Variants in FANCB observed in about 807,000 individuals in gnomAD.
The protein encoded by FANCB is Fanconi anemia group B protein.
FANCB carries 5 observed loss-of-function variants against 38.9 expected under a neutral mutation model. The ratio of observed to expected loss-of-function variants is 0.13; its 90% CI spans 0.07 to 0.27. The LOEUF is 0.27. FANCB is among the 10% of genes least tolerant of loss of function. FANCB has a pLI of 1.00. For synonymous variants in FANCB, 236 were observed against 215.4 expected, an observed-to-expected ratio of 1.10 and a Z score of -0.84; for missense variants, 573 against 602.7, an observed-to-expected ratio of 0.95 and a Z score of 0.52.
At chrX:14,854,115 A>C (rs1199867220) in intron 5 of FANCB, among the ~76,000 whole-genome samples, 1 of 112,003 alleles carries the variant, frequency 8.9e-6, no homozygotes, top group Admixed American at 9.5e-5. Flanking sequence ...CTTATTGCAC[A>C]AAGTATGTAA....
the FANCB span, among the ~76,000 whole-genome samples, chrX:14,793,959 G>A: frequency 9.0e-5 from 10 of 111,507 alleles, no homozygotes; most frequent in African/African-American, 2.0e-4. Context: ...AGGTTACAAC[G>A]TGAGTTTAGG....
the FANCB span, among the ~76,000 whole-genome samples, chrX:14,824,541 A>G: frequency 8.9e-6 from 1 of 112,125 alleles, no homozygotes; most frequent in Non-Finnish European, 1.9e-5. Flanking sequence ...ACATTAGTGT[A>G]CAGGTGTTTC....
At chrX:14,734,689 T>C in the FANCB span, among the ~76,000 whole-genome samples, 2 of 111,307 alleles carry the variant, frequency 1.8e-5, no homozygotes, top group East Asian at 2.8e-4. Context: ...GTGAATCTGA[T>C]GATTATGTGT....
chrX:14,836,997 T>C (rs1428473708), intron 10 of FANCB, among the ~76,000 whole-genome samples: 1 of 112,285 alleles, frequency 8.9e-6, no homozygotes, highest in African/African-American at 3.2e-5. Context: ...ATCTGGCACC[T>C]AGATGTGCAT....
At chrX:14,784,433 A>G in the FANCB span, among the ~76,000 whole-genome samples, 1 of 111,026 alleles carries the variant, frequency 9.0e-6, no homozygotes, top group Non-Finnish European at 1.9e-5. Context: ...CATCTCCAAA[A>G]CCAGCAATCA....
At chrX:14,730,543 G>A in the FANCB span, 2 of 610,643 alleles carry the variant, frequency 3.3e-6, no homozygotes, top group East Asian at 1.5e-4. Context: ...TAAATACACA[G>A]TGAAATTGTC....
chrX:14,842,801 G>A (rs917406100), downstream of FANCB, among the ~76,000 whole-genome samples: 7 of 111,727 alleles, frequency 6.3e-5, no homozygotes, highest in Non-Finnish European at 1.1e-4. Flanking sequence ...TGGCCTGTAA[G>A]GTATACTTAG....
chrX:14,719,925 A>C, the FANCB span, among the ~76,000 whole-genome samples: 1 of 111,973 alleles, frequency 8.9e-6, no homozygotes. Context: ...CATTATGTTA[A>C]GGGAAATAAG....
the FANCB span, among the ~76,000 whole-genome samples, chrX:14,772,225 CAGAGATGGTGGCCGCTCTCTCCCTGGG>C: frequency 1.8e-5 from 2 of 110,300 alleles, no homozygotes; most frequent in African/African-American, 6.6e-5. Context: ...GACTGAACTG[CAGAGATGGTGGCCGCTCTCTCCCTGGG>C]AGCTCCATCC....
chrX:14,734,745 A>T, the FANCB span, among the ~76,000 whole-genome samples: 2 of 110,306 alleles, frequency 1.8e-5, no homozygotes, highest in African/African-American at 6.6e-5. Flanking sequence ...TGTTCTCTGT[A>T]TTTCCTGAAT....
At chrX:14,828,449 CATA>C in the FANCB span, among the ~76,000 whole-genome samples, 1 of 112,070 alleles carries the variant, frequency 8.9e-6, no homozygotes, top group African/African-American at 3.2e-5. Flanking sequence ...CTGTCATTTC[CATA>C]ATGTTTACAG....
chrX:14,872,147 T>C (rs2079995696), intron 1 of FANCB, among the ~76,000 whole-genome samples: 1 of 112,224 alleles, frequency 8.9e-6, no homozygotes, highest in Non-Finnish European at 1.9e-5. Flanking sequence ...AGACTTTAGT[T>C]ATATCTGAAA....
chrX:14,793,687 G>A, the FANCB span, among the ~76,000 whole-genome samples: 5 of 112,212 alleles, frequency 4.5e-5, no homozygotes, highest in Non-Finnish European at 7.5e-5. Flanking sequence ...GAGTTAACAC[G>A]CGTAGAGAGA....
chrX:14,792,920 G>GT, the FANCB span, among the ~76,000 whole-genome samples: 2 of 111,366 alleles, frequency 1.8e-5, no homozygotes, highest in Admixed American at 1.9e-4. Flanking sequence ...TCAATTTATA[G>GT]TTTTTTACTA....
intron 3 of FANCB, among the ~76,000 whole-genome samples, chrX:14,862,859 G>A (rs768785501): frequency 7.2e-5 from 8 of 111,784 alleles, no homozygotes; most frequent in Non-Finnish European, 1.3e-4. Flanking sequence ...TTCAAACCCA[G>A]GGTACGTGTG....
At chrX:14,735,655 C>T in the FANCB span, among the ~76,000 whole-genome samples, 41 of 112,063 alleles carry the variant, frequency 3.7e-4, no homozygotes, top group African/African-American at 9.4e-4. Flanking sequence ...AGCTCTCCTG[C>T]ATGAGGTGTC....
At chrX:14,767,222 G>A in the FANCB span, among the ~76,000 whole-genome samples, 1 of 111,656 alleles carries the variant, frequency 9.0e-6, no homozygotes, top group African/African-American at 3.3e-5. Flanking sequence ...GGATTGCTGG[G>A]TCTAAGGGTA....
At chrX:14,870,572 A>C (rs749190350) in intron 1 of FANCB, among the ~76,000 whole-genome samples, 2 of 112,109 alleles carry the variant, frequency 1.8e-5, no homozygotes, top group Admixed American at 9.5e-5. Context: ...TATTTTATAC[A>C]TAAAATTAAA....
At chrX:14,791,987 G>T in the FANCB span, among the ~76,000 whole-genome samples, 1 of 111,573 alleles carries the variant, frequency 9.0e-6, no homozygotes, top group Non-Finnish European at 1.9e-5. Flanking sequence ...TTCTTTTAGG[G>T]TAAGAATGAC....
Sources: gnomAD v4.1 joint callset for allele counts (sites outside exome capture counted in the v4.1 genomes callset) on GRCh38, gnomAD v4.1.1 for gene constraint, MANE v1.5 for transcripts, NCBI Gene and HGNC (gene_info 2026-07-23, HGNC 2026-07-21) for gene names.